Variants in MYH7 observed in about 807,000 individuals in gnomAD.
The protein encoded by MYH7 is myosin-7.
Under a neutral mutation model 225.4 loss-of-function variants are expected in MYH7, and 129 were observed. The observed-to-expected ratio is 0.57, with a 90% CI of 0.50 to 0.66. The LOEUF (loss-of-function observed/expected upper bound fraction) is 0.66. MYH7 is among the 30% of genes least tolerant of loss of function. MYH7 has a pLI of 0.00. For missense variants in MYH7, 1,649 were observed against 2,517.0 expected, an observed-to-expected ratio of 0.66 and a Z score of 7.38; for synonymous variants, 971 against 1,007.6, an observed-to-expected ratio of 0.96 and a Z score of 0.69.
chr14:23,423,564 C>T lies in MYH7; in HGVS notation c.3082G>A (p.Glu1028Lys). Residue 1028 changes from glutamate (E) to lysine (K), a missense_variant, in exon 24 of 40, where the codon GAG (glutamate) becomes AAG (lysine). This residue lies in a region of MYH7 where 282 missense variants were observed against 315.3 expected (regional missense o/e 0.89). Transcript: ENST00000355349. ...CTACTCACATCATCCACTTGCTGCT[C>T]CAGCTTGACTTTGGCCTTAGTCAGG... ...NTLTKAKVKL[E>K]QQVDDLEGSL... 2 of 1,613,950 alleles carry T rather than the reference C, an allele frequency of 1.2e-6. No individual in the cohort carries two copies. The highest frequency in any genetic ancestry group is 8.5e-7 in the Non-Finnish European group (1 of 1,180,014).
intron 17 of MYH7, 150 bp downstream of exon 17, chr14:23,427,090 C>T (rs574358826): frequency 3.9e-5 from 33 of 841,912 alleles, no homozygotes; most frequent in African/African-American, 1.4e-4. Context: ...CAGGAGATGA[C>T]GGGAAGAGAA....
chr14:23,431,378 G>C, intron 9 of MYH7, 40 bp downstream of exon 9: 4 of 1,596,386 alleles, frequency 2.5e-6, no homozygotes, highest in Non-Finnish European at 3.4e-6. Context: ...CTAGAGCAAG[G>C]GTGAGCTTAG....
At position 23,433,557 on chromosome 14, in the gene MYH7, A is replaced by ACC; in HGVS notation, c.175_176insGG (p.Val59GlyfsTer12). On this transcript the variant is annotated frameshift_variant, in exon 3 of 40. Coordinates refer to ENST00000355349, the MANE Select transcript of MYH7 (RefSeq NM_000257.4). LOFTEE classifies it high-confidence loss of function. This position sits in a 1 kb window ranked among gnomAD's most constrained non-coding sequence, Gnocchi z 4.1. ...CTTGCCATACTCGGTCTCGGCAGTG[A>ACC]CTTTGCCACCCTCTCGAGACACGAT... is the stretch of plus-strand genomic sequence containing the variant. The ACC allele has an allele frequency of 6.2e-7, 1 of 1,614,136 alleles. No individual in the cohort carries two copies. The highest frequency in any genetic ancestry group is 8.5e-7 in the Non-Finnish European group (1 of 1,180,022).
At chr14:23,413,638 C>T (rs1334726954) in intron 39 of MYH7, 121 bp downstream of exon 39, 3 of 1,388,104 alleles carry the variant, frequency 2.2e-6, no homozygotes, top group African/African-American at 1.4e-5. Flanking sequence ...ACCTTGGCCT[C>T]TGGGGCCATG....
At position 23,417,324 on chromosome 14, in the gene MYH7, C is replaced by T. The variant is rs368078397; in HGVS notation, c.4354-6G>A. The T allele has an allele frequency of 3.5e-5, 57 of 1,613,410 alleles. No individual in the cohort carries two copies. The highest frequency in any genetic ancestry group is 2.3e-4 in the African/African-American group (17 of 74,906). ...TGCTTCCACTCGGCCAGGATCTGCC[C>T]GGGGACAAGGCTCACTCTTCAGCCC... is the stretch of plus-strand genomic sequence containing the variant. On this transcript the variant is annotated splice_region_variant and splice_polypyrimidine_tract_variant and intron_variant, in intron 31 of 39. Transcript: ENST00000355349.
In MYH7 at chr14:23,425,403, C is replaced by T. The variant is rs727503260; in HGVS notation, c.2302G>A (p.Gly768Arg). 6.2e-7 allele frequency: 1 copy of T among 1,614,160 alleles called. No individual in the cohort carries two copies. The change falls in exon 21 of 40, where the codon GGG becomes AGG. Residue 768 changes from glycine to arginine, a missense_variant. Physicochemically the swap from Gly to Arg is moderately radical, Grantham distance 125 (BLOSUM62 -2). Around this residue, in one of 12 missense-constraint regions of MYH7, gnomAD observed 41 missense variants for 124.8 expected, o/e 0.33. Transcript: ENST00000355349. This position sits in a 1 kb window ranked among gnomAD's most constrained non-coding sequence, Gnocchi z 4.6. ...FGHTKVFFKA[G>R]LLGLLEEMRD... ...ATTTCCTCCAGCAGCCCCAGCAGCCCGGCCTTGAAGAACACCTGCAGGCAA... is the reference window on the plus strand; with the variant it reads ...ATTTCCTCCAGCAGCCCCAGCAGCCTGGCCTTGAAGAACACCTGCAGGCAA...
chr14:23,415,332 C>T lies in MYH7; in HGVS notation c.5283+49G>A. 6.2e-7 allele frequency: 1 copy of T among 1,614,214 alleles called. No homozygotes were observed. ...AGTCCTCACACACTTGCTGCCCAGC[C>T]CACGGAGAGACACTGGTCTGGATCG... is the stretch of plus-strand genomic sequence containing the variant. On this transcript the variant is annotated intron_variant, in intron 36 of 39. Transcript: ENST00000355349. The surrounding 1 kb of genome is among the most constrained non-coding windows in gnomAD (Gnocchi z 6.3).
rs1892293121 is a variant in MYH7, at chr14:23,417,905, T to C, written c.4170-219A>G. 5.7e-6 allele frequency: 5 copies of C among 879,948 alleles called. No individual in the cohort carries two copies. In the African/African-American group the frequency reaches 6.6e-5, roughly 12 times the overall value. The allele number at this position is 879,948 out of a possible 1,614,324, so 54.5% of individuals were successfully genotyped here. A position where few individuals can be genotyped will look rare whatever the true frequency, so the allele number is the denominator to read the frequency against. On this transcript the variant is annotated intron_variant, in intron 30 of 39. Coordinates refer to ENST00000355349, the MANE Select transcript of MYH7 (RefSeq NM_000257.4). ...TGACCCTGGCCCAGCCTCTGCGCTA[T>C]GGACATTGAGGAGGTATGGGCTTCT... is the stretch of plus-strand genomic sequence containing the variant.
chr14:23,430,479 C>T (rs885825), intron 11 of MYH7, 81 bp downstream of exon 11: 24 of 1,117,428 alleles, frequency 2.1e-5, no homozygotes, highest in South Asian at 3.9e-5. Flanking sequence ...CAATGGCCAG[C>T]GTCTTAGCTC....
At position 23,433,354 on chromosome 14, in the gene MYH7, A is replaced by G; in HGVS notation, c.202-127T>C. 6.7e-7 allele frequency: 1 copy of G among 1,486,080 alleles called. No individual in the cohort carries two copies. The highest frequency in any genetic ancestry group is 9.3e-7 in the Non-Finnish European group (1 of 1,078,406). 92.1% of individuals were successfully genotyped at this position (1,486,080 alleles called of 1,614,324 possible). ...AGAAGGAACCAGGATCTCACAGGGA[A>G]GACAGAAGGGATATTGGGAAGGAGA... On this transcript the variant is annotated intron_variant, in intron 3 of 39. Coordinates refer to ENST00000355349, the MANE Select transcript of MYH7 (RefSeq NM_000257.4). This position sits in a 1 kb window ranked among gnomAD's most constrained non-coding sequence, Gnocchi z 4.1.
chr14:23,412,743 G>C lies in MYH7; in HGVS notation c.*111C>G, dbSNP rs1892023412. ...AGAAGAGTCTGGAGTCAGGATCTCG[G>C]CTTCAAGGAAAATTGCTTTATTCTG... On this transcript the variant is annotated 3_prime_UTR_variant, in exon 40 of 40. Transcript: ENST00000355349. 1 of 1,326,708 alleles carries C rather than the reference G, an allele frequency of 7.5e-7. No homozygotes were observed. The allele number at this position is 1,326,708 out of a possible 1,614,324, so 82.2% of individuals were successfully genotyped here.
At position 23,433,692 on chromosome 14, in the gene MYH7, G is replaced by A. The variant is rs766301164; in HGVS notation, c.41C>T (p.Pro14Leu). 1 of 1,614,238 alleles carries A rather than the reference G, an allele frequency of 6.2e-7. No homozygotes were observed. The highest frequency in any genetic ancestry group is 1.1e-5 in the South Asian group (1 of 91,090). The change falls in exon 3 of 40, where the codon CCC (proline) becomes CTC (leucine). Residue 14 changes from proline to leucine, a missense_variant. This residue lies in a region of MYH7 where 91 missense variants were observed against 96.5 expected (regional missense o/e 0.94). Transcript: ENST00000355349. The surrounding 1 kb of genome is among the most constrained non-coding windows in gnomAD (Gnocchi z 4.1). ...SEMAVFGAAAPYLRKSEKERL... is the reference protein window; with the variant it reads ...SEMAVFGAAALYLRKSEKERL... ...CTCCTTCTCTGACTTGCGCAGGTAG[G>A]GGGCGGCAGCCCCAAAGACTGCCAT...
chr14:23,414,986 C>T lies in MYH7; in HGVS notation c.5559+9G>A, dbSNP rs727503241. On this transcript the variant is annotated intron_variant, in intron 37 of 39. Coordinates refer to ENST00000355349, the MANE Select transcript of MYH7 (RefSeq NM_000257.4). The stretch of plus-strand genomic sequence containing the variant: ...CCAGGGCTCTGCCTGGAGTCACCGC[C>T]CGTCGCACCTGGTAGGTGAGCTCCT... 6.2e-6 allele frequency: 10 copies of T among 1,605,300 alleles called. 1 individual carries two copies. In the South Asian group the frequency reaches 1.1e-4, roughly 18 times the overall value.
chr14:23,426,826 G>T lies in MYH7; in HGVS notation c.1995C>A (p.Thr665=), dbSNP rs773276752. The change falls in exon 18 of 40, where the codon ACC becomes ACA. Residue 665 remains threonine, a synonymous_variant. Transcript: ENST00000355349. The part of the protein sequence containing the change: ...LNKLMTNLRS[T]HPHFVRCIIP... ...TGATACAACGTACAAAGTGGGGATG[G>T]GTGGAGCGCAAGTTGGTCATCAGCT... 2 of 1,614,150 alleles carry T rather than the reference G, an allele frequency of 1.2e-6. No homozygotes were observed. The highest frequency in any genetic ancestry group is 1.7e-6 in the Non-Finnish European group (2 of 1,180,040).
intron 26 of MYH7, among the ~76,000 whole-genome samples, chr14:23,420,648 C>A (rs1892438107): frequency 6.6e-6 from 1 of 152,208 alleles, no homozygotes; most frequent in Non-Finnish European, 1.5e-5. Context: ...TTAAAAACCT[C>A]CATGTAACAG....
chr14:23,425,206 GC>G lies in MYH7; in HGVS notation c.2423+75del, dbSNP rs1316754774. Reference sequence around the variant, plus strand: ...GTCTCTGTGTTTGAAGATCTGCTGAGCTTTTTTTCCTGACACTGCCCCTGAA... The same window carrying G: ...GTCTCTGTGTTTGAAGATCTGCTGAGTTTTTTTCCTGACACTGCCCCTGAA... On this transcript the variant is annotated intron_variant, in intron 21 of 39. Coordinates refer to ENST00000355349, the MANE Select transcript of MYH7 (RefSeq NM_000257.4). The surrounding 1 kb of genome is among the most constrained non-coding windows in gnomAD (Gnocchi z 4.6). 2 of 1,612,480 alleles carry G rather than the reference GC, an allele frequency of 1.2e-6. No homozygotes were observed. Among genetic ancestry groups the G allele is most frequent in the Non-Finnish European group, 8.5e-7 (1 of 1,178,924 alleles).
At chr14:23,418,096 G>T in intron 30 of MYH7, 114 bp downstream of exon 30, 2 of 1,492,848 alleles carry the variant, frequency 1.3e-6, no homozygotes, top group Non-Finnish European at 1.9e-6. Context: ...GAGTCCTCCT[G>T]TGTTGTCAAA....
At chr14:23,422,868 A>G (rs1892537871) in intron 24 of MYH7, among the ~76,000 whole-genome samples, 1 of 152,086 alleles carries the variant, frequency 6.6e-6, no homozygotes, top group South Asian at 2.1e-4. Context: ...TGACCTCGTG[A>G]TCCACCCGCC....
rs1595091475 is a variant in MYH7 at position 23,433,644 on chromosome 14, G to A, written c.89C>T (p.Pro30Leu). 1 of 1,614,246 alleles carries A rather than the reference G, an allele frequency of 6.2e-7. No individual in the cohort carries two copies. The highest frequency in any genetic ancestry group is 1.7e-5 in the Admixed American group (1 of 60,032). The change falls in exon 3 of 40, where the codon CCT becomes CTT. Residue 30 changes from proline to leucine, a missense_variant. Physicochemically the swap from Pro to Leu is moderately conservative, Grantham distance 98 (BLOSUM62 -3). Coordinates refer to ENST00000355349, the MANE Select transcript of MYH7 (RefSeq NM_000257.4). This position sits in a 1 kb window ranked among gnomAD's most constrained non-coding sequence, Gnocchi z 4.1. ...EKERLEAQTR[P>L]FDLKKDVFVP... ...GAAGACATCCTTCTTGAGGTCAAAAGGCCTGGTCTGCGCTTCTAGCCGCTC... is the reference window on the plus strand; with the variant it reads ...GAAGACATCCTTCTTGAGGTCAAAAAGCCTGGTCTGCGCTTCTAGCCGCTC...
Sources: allele counts gnomAD v4.1 joint callset (sites outside exome capture counted in the v4.1 genomes callset), GRCh38; gene constraint gnomAD v4.1.1; regional missense constraint gnomAD v4.1.1; non-coding constraint Gnocchi (gnomAD v3.1); transcripts MANE v1.5; gene names NCBI Gene and HGNC (gene_info 2026-07-23, HGNC 2026-07-21).